Variants in CHL1 observed in about 807,000 individuals in gnomAD.
CHL1 encodes neural cell adhesion molecule L1-like protein.
CHL1 carries 96 observed loss-of-function variants against 141.9 expected under a neutral mutation model. The observed-to-expected ratio is 0.68, with a 90% CI of 0.57 to 0.80. The LOEUF is 0.80. Among genes scored for constraint, CHL1 ranks in the 30% least tolerant of loss-of-function variants. The pLI, the probability that CHL1 is intolerant of heterozygous loss-of-function variation, is 0.00. For missense variants in CHL1, 1,820 were observed against 1,457.2 expected (o/e 1.25, Z -4.05); for synonymous variants, 613 against 502.2 (o/e 1.22, Z -2.95).
chr3:391,614 A>G, intron 22 of CHL1, 61 bp from the exon 23 acceptor site: 2 of 1,215,110 alleles, frequency 1.6e-6, no homozygotes, highest in South Asian at 2.7e-5. Flanking sequence ...TTATAATATA[A>G]TAAGGCTTTT....
intron 2 of CHL1, among the ~76,000 whole-genome samples, chr3:263,720 A>G (rs1694925448): frequency 6.6e-6 from 1 of 152,184 alleles, no homozygotes; most frequent in Non-Finnish European, 1.5e-5. Context: ...TTGCTTTTGC[A>G]TATCTTACTT....
intron 2 of CHL1, among the ~76,000 whole-genome samples, chr3:261,646 A>G (rs1390370944): frequency 6.6e-6 from 1 of 152,138 alleles, no homozygotes; most frequent in Non-Finnish European, 1.5e-5. Context: ...TGGCTCTTTG[A>G]TTATTAATGT....
intron 2 of CHL1, among the ~76,000 whole-genome samples, chr3:308,164 T>C (rs528964287): frequency 1.3e-5 from 2 of 152,318 alleles, no homozygotes; most frequent in East Asian, 3.9e-4. Flanking sequence ...TTTGGATGAA[T>C]GAGAAAATAA....
intron 2 of CHL1, among the ~76,000 whole-genome samples, chr3:300,321 T>C (rs888552150): frequency 6.6e-6 from 1 of 151,942 alleles, no homozygotes; most frequent in African/African-American, 2.4e-5. Flanking sequence ...AATGCTAAAG[T>C]TTTTTGTTTG....
chr3:328,666 G>T (rs1305421427), intron 5 of CHL1, among the ~76,000 whole-genome samples: 1 of 152,116 alleles, frequency 6.6e-6, no homozygotes, highest in Non-Finnish European at 1.5e-5. Context: ...TGCAGTAATA[G>T]ATAACCCCAA....
intron 19 of CHL1, among the ~76,000 whole-genome samples, chr3:388,020 T>A (rs1479604933): frequency 6.6e-6 from 1 of 152,240 alleles, no homozygotes; most frequent in African/African-American, 2.4e-5. Context: ...ACACTATGTA[T>A]GACATTGTTG....
rs188635501 is a variant in CHL1 at position 359,665 on chromosome 3, G to A, written c.1166-619G>A. 5.2e-3 allele frequency among the ~76,000 whole-genome samples: 790 copies of A among 152,266 alleles called. 6 individuals carry two copies. Among genetic ancestry groups the A allele is most frequent in the African/African-American group, 0.018 (763 of 41,548 alleles). On this transcript the variant is annotated intron_variant, in intron 11 of 27. Coordinates refer to ENST00000256509, the MANE Select transcript of CHL1 (RefSeq NM_006614.4). ...GAATTATACTTGGATCAGGAGTGGGGAAGGTTTTATTGCCCCAAAGTAGAA... is the reference window on the plus strand; with the variant it reads ...GAATTATACTTGGATCAGGAGTGGGAAAGGTTTTATTGCCCCAAAGTAGAA...
At chr3:324,749 A>C (rs1225873342) in intron 3 of CHL1, among the ~76,000 whole-genome samples, 1 of 151,798 alleles carries the variant, frequency 6.6e-6, no homozygotes, top group Admixed American at 6.6e-5. Context: ...AAATTAATCC[A>C]GTTAATTTTT....
intron 8 of CHL1, 60 bp downstream of exon 8, chr3:343,091 T>G: frequency 7.3e-7 from 1 of 1,370,986 alleles, no homozygotes; most frequent in Non-Finnish European, 1.0e-6. Context: ...ATCTCAGATT[T>G]TGAATTTTTT....
At chr3:264,628 ATTTGGAAATAT>A (rs1385679049) in intron 2 of CHL1, among the ~76,000 whole-genome samples, 1 of 152,192 alleles carries the variant, frequency 6.6e-6, no homozygotes, top group African/African-American at 2.4e-5. Flanking sequence ...CATATTCAGA[ATTTGGAAATAT>A]TTCGGAAGCT....
At chr3:251,549 A>T (rs186164089) in intron 2 of CHL1, among the ~76,000 whole-genome samples, 43 of 152,188 alleles carry the variant, frequency 2.8e-4, no homozygotes, top group African/African-American at 9.9e-4. Flanking sequence ...TTTGAGTTTC[A>T]ATTTCACACT....
intron 15 of CHL1, chr3:376,332 T>A (rs1249725039): frequency 2.0e-6 from 1 of 495,044 alleles, no homozygotes; most frequent in Non-Finnish European, 4.0e-6. Flanking sequence ...TTATCCAGGC[T>A]TCATGTTCAA....
At chr3:226,451 A>AT (rs1277917047) in intron 1 of CHL1, among the ~76,000 whole-genome samples, 5 of 146,666 alleles carry the variant, frequency 3.4e-5, no homozygotes, top group Non-Finnish European at 6.0e-5. Flanking sequence ...TATTATTATT[A>AT]TTTTTTCTGA....
chr3:204,406 A>G (rs777046039), intron 1 of CHL1, among the ~76,000 whole-genome samples: 2 of 152,238 alleles, frequency 1.3e-5, no homozygotes, highest in African/African-American at 2.4e-5. Context: ...CTTCTTTGTT[A>G]TAGTTGTATC....
rs780752192 is a variant in CHL1 at position 197,629 on chromosome 3, C to CT, written c.-175+566_-175+567insT. 123 of 325,090 alleles carry CT rather than the reference C, an allele frequency of 3.8e-4. 1 individual carries two copies. The East Asian group carries it at 0.01, about 27-fold the overall frequency. The allele number at this position is 325,090 out of a possible 1,614,324, so 20.1% of individuals were successfully genotyped here. The stretch of plus-strand genomic sequence containing the variant: ...TCAGGAGAGGATTCTAGATCCCAGC[C>CT]CGGGGGGGGTTCCGAAAATGCCGCC... On this transcript the variant is annotated intron_variant, in intron 1 of 27. Transcript: ENST00000256509.
chr3:228,498 C>G (rs960820157), intron 1 of CHL1, among the ~76,000 whole-genome samples: 2 of 152,176 alleles, frequency 1.3e-5, no homozygotes, highest in South Asian at 2.1e-4. Flanking sequence ...CACACACACA[C>G]ACACAGCAGG....
intron 2 of CHL1, among the ~76,000 whole-genome samples, chr3:275,784 T>C (rs1226835388): frequency 6.6e-6 from 1 of 152,162 alleles, no homozygotes; most frequent in Non-Finnish European, 1.5e-5. Context: ...TTCTAAAGAA[T>C]AGATCTCAGT....
At chr3:358,822 T>A (rs1034608894) in intron 11 of CHL1, among the ~76,000 whole-genome samples, 1 of 151,906 alleles carries the variant, frequency 6.6e-6, no homozygotes, top group East Asian at 1.9e-4. Flanking sequence ...TTATCTCGTA[T>A]AATGGAGAGA....
At chr3:349,318 G>A (rs2272524) in intron 9 of CHL1, 41 bp from the exon 10 acceptor site, 451,569 of 1,532,660 alleles carry the variant, frequency 0.29, 69,392 homozygotes, top group East Asian at 0.41. Flanking sequence ...TTTACTTTCC[G>A]CTTTTAAAAA....
Sources: allele counts gnomAD v4.1 joint callset (sites outside exome capture counted in the v4.1 genomes callset), GRCh38; gene constraint gnomAD v4.1.1; transcripts MANE v1.5; gene names NCBI Gene and HGNC (gene_info 2026-07-23, HGNC 2026-07-21).